The following CPA5 variants were observed in gnomAD, a reference collection of about 807,000 sequenced individuals.
The protein encoded by CPA5 is testicular tissue protein Li 32.
Under a neutral mutation model 52.2 loss-of-function variants are expected in CPA5, and 38 were observed. That is an observed-to-expected ratio of 0.73 (90% CI 0.56 to 0.95). The LOEUF is 0.95. CPA5 is among the 40% of genes least tolerant of loss of function. The probability of loss-of-function intolerance (pLI) is 0.00; values close to 1 mark genes in which losing one functional copy is unlikely to be tolerated. For synonymous variants in CPA5, 198 were observed against 213.7 expected (o/e 0.93, Z 0.64); for missense variants, 519 against 566.7 (o/e 0.92, Z 0.86).
At chr7:130,372,973 A>G (rs1407657349), downstream of CPA5, among the ~76,000 whole-genome samples, 1 of 152,128 alleles carries the variant, frequency 6.6e-6, no homozygotes, top group South Asian at 2.1e-4. Context: ...GGATCACAAG[A>G]TTTGCACGAG....
intron 6 of CPA5, 89 bp downstream of exon 6, chr7:130,359,776 C>T (rs1274116634): frequency 2.3e-6 from 2 of 860,178 alleles, no homozygotes; most frequent in Admixed American, 4.4e-5. Flanking sequence ...TGAAGGACTC[C>T]AGGGTTTATG....
chr7:130,358,857 T>TG (rs1376916269), intron 5 of CPA5, among the ~76,000 whole-genome samples: 1 of 152,212 alleles, frequency 6.6e-6, no homozygotes, highest in Non-Finnish European at 1.5e-5. Context: ...GCCCTCTGTA[T>TG]GGGCAGCGGG....
intron 5 of CPA5, among the ~76,000 whole-genome samples, chr7:130,353,521 C>T (rs1200875365): frequency 2.0e-5 from 3 of 152,198 alleles, no homozygotes; most frequent in African/African-American, 7.2e-5. Flanking sequence ...CCAAGCTCCC[C>T]TGGCCCTTCA....
At chr7:130,365,308 C>A (rs1796018416) in intron 10 of CPA5, among the ~76,000 whole-genome samples, 1 of 152,124 alleles carries the variant, frequency 6.6e-6, no homozygotes, top group Non-Finnish European at 1.5e-5. Context: ...GGAGTGAGTA[C>A]CCATGGATCC....
chr7:130,348,776 AG>A (rs2117295837), intron 4 of CPA5, among the ~76,000 whole-genome samples: 1 of 152,356 alleles, frequency 6.6e-6, no homozygotes, highest in South Asian at 2.1e-4. Context: ...ACTCAGCCTT[AG>A]GGTTTCATTA....
In CPA5 at chr7:130,350,117, C is replaced by A; in HGVS notation, c.333+8C>A. On this transcript the variant is annotated splice_region_variant and intron_variant, in intron 5 of 12. Coordinates refer to ENST00000474905, the MANE Select transcript of CPA5 (RefSeq NM_080385.5). Reference sequence around the variant, plus strand: ...ATGATAAAGGACATCCAGGTGAAGCCCTGCCCCAGCTGGGACCCTGCCTTC... The same window carrying A: ...ATGATAAAGGACATCCAGGTGAAGCACTGCCCCAGCTGGGACCCTGCCTTC... The A allele has an allele frequency of 1.2e-6, 2 of 1,608,012 alleles. No homozygotes were observed. Among genetic ancestry groups the A allele is most frequent in the Middle Eastern group, 1.7e-4 (1 of 6,032 alleles).
At chr7:130,349,175 G>A (rs1302706165) in intron 4 of CPA5, among the ~76,000 whole-genome samples, 1 of 152,172 alleles carries the variant, frequency 6.6e-6, no homozygotes, top group Non-Finnish European at 1.5e-5. Context: ...GCTCATGCCT[G>A]CAATCCCAGC....
chr7:130,363,519 C>A lies in CPA5; in HGVS notation c.838+10C>A. ...AAGTCGGGTTTTGGAGGTATGGCAA[C>A]CTGCTGTCCTGGGGCAGGGTTGGAG... On this transcript the variant is annotated intron_variant, in intron 10 of 12. Coordinates refer to ENST00000474905, the MANE Select transcript of CPA5 (RefSeq NM_080385.5). 6.4e-7 allele frequency: 1 copy of A among 1,572,308 alleles called. No homozygotes were observed. Among genetic ancestry groups the A allele is most frequent in the Non-Finnish European group, 8.6e-7 (1 of 1,157,172 alleles).
chr7:130,369,671 A>G (rs1056197469), downstream of CPA5, among the ~76,000 whole-genome samples: 7 of 151,856 alleles, frequency 4.6e-5, no homozygotes, highest in African/African-American at 1.7e-4. Context: ...ACGTGTGTGC[A>G]TGTGCGTGTG....
At chr7:130,362,200 A>C (rs530021616) in intron 7 of CPA5, among the ~76,000 whole-genome samples, 1 of 152,272 alleles carries the variant, frequency 6.6e-6, no homozygotes, top group Non-Finnish European at 1.5e-5. Flanking sequence ...CAATCCTGGG[A>C]AATTCTGTGC....
chr7:130,373,807 C>A, the CPA5 span, among the ~76,000 whole-genome samples: 2 of 152,358 alleles, frequency 1.3e-5, no homozygotes, highest in Non-Finnish European at 2.9e-5. Context: ...GGAACCACAC[C>A]AGCACAGAGT....
At chr7:130,351,780 C>G (rs1313569160) in intron 5 of CPA5, among the ~76,000 whole-genome samples, 4 of 152,158 alleles carry the variant, frequency 2.6e-5, no homozygotes, top group African/African-American at 9.7e-5. Context: ...ATTTCAGATA[C>G]AGATGCACGG....
At chr7:130,359,916 C>T (rs1554406155) in intron 6 of CPA5, among the ~76,000 whole-genome samples, 1 of 152,140 alleles carries the variant, frequency 6.6e-6, no homozygotes, top group African/African-American at 2.4e-5. Context: ...AACTGTACAG[C>T]CCTAGACAGG....
chr7:130,369,641 GTGTGTGTGCA>G (rs1458896849), downstream of CPA5, among the ~76,000 whole-genome samples: 2 of 151,842 alleles, frequency 1.3e-5, no homozygotes, highest in African/African-American at 2.4e-5. Flanking sequence ...GTGTGCGTGT[GTGTGTGTGCA>G]TGTGTGTGCA....
chr7:130,363,027 G>T (rs201075920), intron 9 of CPA5, 33 bp downstream of exon 9: 5 of 1,333,388 alleles, frequency 3.7e-6, no homozygotes, highest in East Asian at 4.6e-5. Context: ...GAAGGAGGGG[G>T]TCAGCTCTAG....
At chr7:130,374,290 A>G in the CPA5 span, among the ~76,000 whole-genome samples, 1 of 152,088 alleles carries the variant, frequency 6.6e-6, no homozygotes, top group Non-Finnish European at 1.5e-5. Context: ...GGGGCCCCTG[A>G]AGGAGAACTC....
downstream of CPA5, among the ~76,000 whole-genome samples, chr7:130,369,609 C>T (rs1796269054): frequency 6.6e-6 from 1 of 151,990 alleles, no homozygotes; most frequent in African/African-American, 2.4e-5. Context: ...TTGCAAGAGC[C>T]AGGCTGTGTG....
In CPA5 at chr7:130,362,573, G is replaced by C. The variant is rs782080963; in HGVS notation, c.636+34G>C. The C allele has an allele frequency of 4.1e-6, 6 of 1,471,978 alleles. No homozygotes were observed. In the African/African-American group the frequency reaches 8.3e-5, roughly 20 times the overall value. The allele number at this position is 1,471,978 out of a possible 1,614,324, so 91.2% of individuals were successfully genotyped here. ...GGACCTGTAGCCAAGGTGCACCCAC[G>C]ATGGGGGCTGCAACTGGGGGCAGGA... is the stretch of plus-strand genomic sequence containing the variant. On this transcript the variant is annotated intron_variant, in intron 8 of 12. Coordinates refer to ENST00000474905, the MANE Select transcript of CPA5 (RefSeq NM_080385.5).
At chr7:130,359,314 C>T (rs1434441131) in intron 5 of CPA5, among the ~76,000 whole-genome samples, 1 of 152,250 alleles carries the variant, frequency 6.6e-6, no homozygotes, top group Non-Finnish European at 1.5e-5. Context: ...GTAAATTCCA[C>T]AGCCAGTTAG....
Sources: allele counts gnomAD v4.1 joint callset (sites outside exome capture counted in the v4.1 genomes callset), GRCh38; gene constraint gnomAD v4.1.1; transcripts MANE v1.5; gene names NCBI Gene and HGNC (gene_info 2026-07-23, HGNC 2026-07-21).